The following ALDH2 variants were observed in gnomAD, a reference collection of about 807,000 sequenced individuals.
ALDH2 encodes aldehyde dehydrogenase, mitochondrial.
ALDH2 carries 44 observed loss-of-function variants against 59.6 expected under a neutral mutation model. That is an observed-to-expected ratio of 0.74 (90% CI 0.58 to 0.95). The LOEUF (loss-of-function observed/expected upper bound fraction) is 0.95, where lower values mean the gene tolerates loss of function less well. Among genes scored for constraint, ALDH2 ranks in the 40% least tolerant of loss-of-function variants. The probability of loss-of-function intolerance (pLI) is 0.00; values close to 1 mark genes in which losing one functional copy is unlikely to be tolerated. For synonymous variants in ALDH2, 291 were observed against 284.0 expected, an observed-to-expected ratio of 1.02 and a Z score of -0.25; for missense variants, 570 against 696.3, an observed-to-expected ratio of 0.82 and a Z score of 2.04.
chr12:111,796,214 C>T (rs933879453), intron 9 of ALDH2, among the ~76,000 whole-genome samples: 4 of 151,542 alleles, frequency 2.6e-5, no homozygotes, highest in South Asian at 2.1e-4. Flanking sequence ...CCCAGCTACT[C>T]GGGAGGCTGA....
intron 4 of ALDH2, among the ~76,000 whole-genome samples, chr12:111,789,017 C>CTTTTTT (rs1224537015): frequency 1.6e-5 from 2 of 125,164 alleles, no homozygotes; most frequent in Admixed American, 8.2e-5. Flanking sequence ...TCTTTCTTTT[C>CTTTTTT]TTTTTTTTTT....
At chr12:111,794,656 G>A (rs534815980) in intron 9 of ALDH2, among the ~76,000 whole-genome samples, 11 of 152,096 alleles carry the variant, frequency 7.2e-5, no homozygotes, top group African/African-American at 2.4e-4. Flanking sequence ...ACAGGCACAC[G>A]TCACCACACC....
intron 4 of ALDH2, among the ~76,000 whole-genome samples, chr12:111,789,500 AAAAAG>A (rs889985195): frequency 7.3e-5 from 11 of 150,330 alleles, no homozygotes; most frequent in African/African-American, 2.3e-4. Context: ...TCAAAAAAAA[AAAAAG>A]AAAAGAAAAG....
chr12:111,784,441 C>T (rs1162576414), intron 3 of ALDH2, among the ~76,000 whole-genome samples: 2 of 152,218 alleles, frequency 1.3e-5, no homozygotes, highest in Admixed American at 6.5e-5. Flanking sequence ...TGAGCATCAG[C>T]GCTTGCACCT....
intron 6 of ALDH2, 29 bp from the exon 7 acceptor site, chr12:111,791,277 C>A: frequency 6.4e-7 from 1 of 1,558,980 alleles, no homozygotes; most frequent in Non-Finnish European, 8.8e-7. Flanking sequence ...GAGGGTGACT[C>A]CCAATGTCCC....
At position 111,798,197 on chromosome 12, in the gene ALDH2, T is replaced by C. The variant is rs765328106; in HGVS notation, c.1203T>C (p.Thr401=). 6.2e-7 allele frequency: 1 copy of C among 1,601,324 alleles called. No homozygotes were observed. Among genetic ancestry groups the C allele is most frequent in the South Asian group, 1.1e-5 (1 of 88,296 alleles). The change falls in exon 10 of 13, where the codon ACT becomes ACC. Residue 401 remains threonine (T), a synonymous_variant. Transcript: ENST00000261733. ...AADRGYFIQP[T]VFGDVQDGMT... The stretch of plus-strand genomic sequence containing the variant: ...ACCGTGGTTACTTCATCCAGCCCAC[T>C]GTGTTTGGAGATGTGCAGGATGGCA...
rs190294525 is a variant in ALDH2, at chr12:111,781,803, C to G, written c.115-115C>G. The stretch of plus-strand genomic sequence containing the variant: ...CTGTGCTTTTCATTTGTAGGCTACA[C>G]CACTCTGAAATTAATTCATATTTGC... On this transcript the variant is annotated intron_variant, in intron 1 of 12. Coordinates refer to ENST00000261733, the MANE Select transcript of ALDH2 (RefSeq NM_000690.4). 2.6e-4 allele frequency: 194 copies of G among 745,352 alleles called. 1 individual carries two copies. The African/African-American group carries it at 3.2e-3, about 12-fold the overall frequency. The allele number at this position is 745,352 out of a possible 1,614,324, so 46.2% of individuals were successfully genotyped here.
At chr12:111,776,709 T>TG (rs2068237624) in intron 1 of ALDH2, among the ~76,000 whole-genome samples, 2 of 152,118 alleles carry the variant, frequency 1.3e-5, no homozygotes, top group South Asian at 4.1e-4. Context: ...TTTTTTTTTT[T>TG]TTTGAGACTC....
rs1396940603 is a variant in ALDH2 at position 111,812,257 on chromosome 12, C to T, written c.*2682C>T. On this transcript the variant is annotated 3_prime_UTR_variant, in exon 13 of 13. Transcript: ENST00000261733. Reference sequence around the variant, plus strand: ...ACAGCACCACAGGGAGACGGTTAGGCCTCCGGATAACTAATGATTAATGAT... The same window carrying T: ...ACAGCACCACAGGGAGACGGTTAGGTCTCCGGATAACTAATGATTAATGAT... 1 of 152,136 alleles carries T rather than the reference C, an allele frequency of 6.6e-6. No homozygotes were observed. Among genetic ancestry groups the T allele is most frequent in the Non-Finnish European group, 1.5e-5 (1 of 68,084 alleles). 9.4% of individuals were successfully genotyped at this position (152,136 alleles called of 1,614,324 possible). A position where few individuals can be genotyped will look rare whatever the true frequency, so the allele number is the denominator to read the frequency against.
chr12:111,796,424 C>A (rs2068404601), intron 9 of ALDH2, among the ~76,000 whole-genome samples: 1 of 151,882 alleles, frequency 6.6e-6, no homozygotes, highest in Non-Finnish European at 1.5e-5. Context: ...GAGGTGGGAG[C>A]CCAGGAGGTC....
At chr12:111,802,648 A>G (rs1457924942) in intron 11 of ALDH2, among the ~76,000 whole-genome samples, 1 of 151,896 alleles carries the variant, frequency 6.6e-6, no homozygotes, top group Non-Finnish European at 1.5e-5. Flanking sequence ...TGGGAGGCCA[A>G]GGCGGGCGGA....
At chr12:111,807,134 G>A (rs1180027280) in intron 12 of ALDH2, among the ~76,000 whole-genome samples, 1 of 151,846 alleles carries the variant, frequency 6.6e-6, no homozygotes, top group Non-Finnish European at 1.5e-5. Flanking sequence ...GTGGTGGCGA[G>A]TGCCTGTAAT....
chr12:111,790,021 C>T (rs749854544), intron 5 of ALDH2, 87 bp downstream of exon 5: 93 of 1,296,154 alleles, frequency 7.2e-5, no homozygotes, highest in Non-Finnish European at 4.4e-5. Context: ...GGGGTGGTGT[C>T]GGAAGGCAGC....
intron 9 of ALDH2, 141 bp from the exon 10 acceptor site, chr12:111,797,935 CTG>C: frequency 1.1e-6 from 1 of 920,916 alleles, no homozygotes; most frequent in South Asian, 1.5e-5. Context: ...GCTATTGGCC[CTG>C]TGTGTTTCCT....
chr12:111,809,409 G>A, intron 12 of ALDH2, 134 bp from the exon 13 acceptor site: 1 of 897,286 alleles, frequency 1.1e-6, no homozygotes, highest in Non-Finnish European at 1.7e-6. Flanking sequence ...AGCTGTAATT[G>A]CACCCCTGTA....
Position 111,817,440 on chromosome 12 carries a change from C to T in ALDH2, c.*7865C>T, listed in dbSNP as rs2068575725. 1 of 152,142 alleles carries T rather than the reference C, an allele frequency of 6.6e-6. No homozygotes were observed. Among genetic ancestry groups the T allele is most frequent in the South Asian group, 2.1e-4 (1 of 4,822 alleles). 9.4% of individuals were successfully genotyped at this position (152,142 alleles called of 1,614,324 possible). ...ATGATTAATGCAGTGACATAACTGG[C>T]AAGATTTACAGGTCAATTGGATATT... On this transcript the variant is annotated 3_prime_UTR_variant, in exon 13 of 13. Coordinates refer to ENST00000261733, the MANE Select transcript of ALDH2 (RefSeq NM_000690.4).
chr12:111,802,697 A>G (rs56059146), intron 11 of ALDH2, among the ~76,000 whole-genome samples: 2,838 of 149,074 alleles, frequency 0.019, 36 homozygotes, highest in Non-Finnish European at 0.029. Context: ...TGGCTAACAC[A>G]GTGAAACCCC....
At chr12:111,780,567 G>A (rs935505323) in intron 1 of ALDH2, among the ~76,000 whole-genome samples, 14 of 152,120 alleles carry the variant, frequency 9.2e-5, no homozygotes, top group African/African-American at 3.4e-4. Context: ...TCGGTCAAAT[G>A]TCCACTCCTC....
intron 1 of ALDH2, among the ~76,000 whole-genome samples, chr12:111,780,837 C>T (rs73420483): frequency 0.041 from 6,220 of 152,230 alleles, 426 homozygotes; most frequent in African/African-American, 0.14. Context: ...AAGTAATAAT[C>T]TAGGGCTGGG....
Sources: gnomAD v4.1 joint callset for allele counts (sites outside exome capture counted in the v4.1 genomes callset) on GRCh38, gnomAD v4.1.1 for gene constraint, MANE v1.5 for transcripts, NCBI Gene and HGNC (gene_info 2026-07-23, HGNC 2026-07-21) for gene names.